The following PPHLN1 variants were observed in gnomAD, a reference collection of about 807,000 sequenced individuals.
PPHLN1 encodes periphilin 1.
In PPHLN1, 29 loss-of-function variants were observed where a neutral mutation model predicts 51.3. That is an observed-to-expected ratio of 0.57 (90% CI 0.42 to 0.77). The LOEUF is 0.77. Ranked by LOEUF, PPHLN1 falls within the 30% of genes least tolerant of loss-of-function variation. PPHLN1 has a pLI of 0.00. For synonymous variants in PPHLN1, 147 were observed against 147.8 expected (o/e 0.99, Z 0.04); for missense variants, 436 against 438.4 (o/e 0.99, Z 0.05).
chr12:42,389,242 A>G (rs1387492732), intron 7 of PPHLN1, among the ~76,000 whole-genome samples: 4 of 152,040 alleles, frequency 2.6e-5, no homozygotes, highest in African/African-American at 9.7e-5. Flanking sequence ...CCGTGGTGGC[A>G]GGCGCCTGTA....
At chr12:42,411,362 A>C (rs933309113) in intron 9 of PPHLN1, among the ~76,000 whole-genome samples, 2 of 76,250 alleles carry the variant, frequency 2.6e-5, no homozygotes, top group African/African-American at 6.5e-5. Flanking sequence ...GATGGTCACT[A>C]CAGCAGTTAC....
intron 9 of PPHLN1, among the ~76,000 whole-genome samples, chr12:42,429,130 A>G (rs182680104): frequency 6.3e-4 from 96 of 152,300 alleles, no homozygotes; most frequent in Non-Finnish European, 5.0e-4. Context: ...TGTGTTCATT[A>G]TGAATATTTT....
chr12:42,402,610 T>C (rs1278245383), intron 9 of PPHLN1, among the ~76,000 whole-genome samples: 2 of 152,230 alleles, frequency 1.3e-5, no homozygotes, highest in Non-Finnish European at 2.9e-5. Context: ...AAGTTAAATA[T>C]TACTTTTTCT....
chr12:42,331,485 C>T (rs1263200261), intron 1 of PPHLN1, among the ~76,000 whole-genome samples: 1 of 152,230 alleles, frequency 6.6e-6, no homozygotes, highest in Non-Finnish European at 1.5e-5. Flanking sequence ...TCCATAATCT[C>T]TCAGCCCTCA....
intron 8 of PPHLN1, among the ~76,000 whole-genome samples, chr12:42,397,335 C>T (rs1016091201): frequency 1.7e-4 from 26 of 152,204 alleles, no homozygotes; most frequent in African/African-American, 6.0e-4. Flanking sequence ...ATTTTTTTGC[C>T]TAGTGATATA....
chr12:42,423,555 T>C (rs2081181146), intron 9 of PPHLN1, among the ~76,000 whole-genome samples: 1 of 152,218 alleles, frequency 6.6e-6, no homozygotes, highest in Non-Finnish European at 1.5e-5. Flanking sequence ...TATTCTATTA[T>C]CCTACATTTC....
At chr12:42,344,925 G>C (rs1347784718) in intron 2 of PPHLN1, among the ~76,000 whole-genome samples, 1 of 151,952 alleles carries the variant, frequency 6.6e-6, no homozygotes, top group African/African-American at 2.4e-5. Context: ...AGCCAGGCTG[G>C]TCTCGAATTC....
intron 2 of PPHLN1, among the ~76,000 whole-genome samples, chr12:42,338,118 G>T (rs1159289200): frequency 6.6e-6 from 1 of 152,104 alleles, no homozygotes; most frequent in East Asian, 1.9e-4. Flanking sequence ...GTAGGGACAG[G>T]GTTTTGCCGT....
intron 9 of PPHLN1, among the ~76,000 whole-genome samples, chr12:42,418,766 T>C (rs1565991917): frequency 6.6e-6 from 1 of 152,204 alleles, no homozygotes; most frequent in East Asian, 1.9e-4. Flanking sequence ...TTATCACAAT[T>C]ATACATTTTT....
intron 1 of PPHLN1, among the ~76,000 whole-genome samples, 169 bp from the exon 2 acceptor site, chr12:42,335,710 GAAAA>G (rs1008608713): frequency 9.3e-4 from 115 of 123,694 alleles, no homozygotes; most frequent in Non-Finnish European, 1.7e-3. Flanking sequence ...TTTTTTTAAA[GAAAA>G]TCTCAAAATT....
intron 2 of PPHLN1, among the ~76,000 whole-genome samples, chr12:42,349,300 A>G (rs984705758): frequency 3.3e-5 from 5 of 152,220 alleles, no homozygotes; most frequent in African/African-American, 7.2e-5. Context: ...TAGTCCTCAC[A>G]GTGCCATGAG....
At chr12:42,349,036 C>A (rs1253454547) in intron 2 of PPHLN1, among the ~76,000 whole-genome samples, 1 of 152,134 alleles carries the variant, frequency 6.6e-6, no homozygotes, top group Non-Finnish European at 1.5e-5. Context: ...TAAATACAAA[C>A]TACTGATTTT....
At chr12:42,393,829 A>G (rs895947991) in intron 8 of PPHLN1, 140 bp downstream of exon 8, 6 of 811,338 alleles carry the variant, frequency 7.4e-6, no homozygotes, top group Non-Finnish European at 9.0e-6. Context: ...ACCACACAGA[A>G]TGATAGTCAG....
intron 3 of PPHLN1, among the ~76,000 whole-genome samples, chr12:42,353,125 C>T (rs904605070): frequency 2.0e-5 from 3 of 151,984 alleles, no homozygotes; most frequent in African/African-American, 7.3e-5. Context: ...ATTACTATTA[C>T]AACTCGCTTC....
intron 9 of PPHLN1, among the ~76,000 whole-genome samples, chr12:42,440,030 T>C (rs1017805432): frequency 6.6e-6 from 1 of 151,426 alleles, no homozygotes; most frequent in African/African-American, 2.4e-5. Flanking sequence ...TTAACAGTAT[T>C]GACTCTTCCT....
downstream of PPHLN1, chr12:42,442,683 A>T: frequency 1.9e-6 from 3 of 1,614,144 alleles, no homozygotes; most frequent in Non-Finnish European, 2.5e-6. Context: ...CCTGTGAGGA[A>T]CACTGAAATG....
intron 8 of PPHLN1, among the ~76,000 whole-genome samples, chr12:42,396,615 CAAAAAAAAA>C (rs60131845): frequency 1.1e-4 from 9 of 85,496 alleles, no homozygotes; most frequent in Middle Eastern, 5.7e-3. Context: ...CTTGTCACTA[CAAAAAAAAA>C]AAAAAAAAAA....
chr12:42,398,352 ATTTC>A (rs1185910708), intron 8 of PPHLN1, among the ~76,000 whole-genome samples: 6 of 152,184 alleles, frequency 3.9e-5, no homozygotes. Flanking sequence ...CTTTAAATAT[ATTTC>A]TTTATTTGTG....
chr12:42,437,075 G>A (rs978304717), intron 9 of PPHLN1, among the ~76,000 whole-genome samples: 3 of 152,128 alleles, frequency 2.0e-5, no homozygotes, highest in African/African-American at 7.2e-5. Flanking sequence ...ACATCCAAAG[G>A]TTCCAATTTC....
Sources: allele counts gnomAD v4.1 joint callset (sites outside exome capture counted in the v4.1 genomes callset), GRCh38; gene constraint gnomAD v4.1.1; transcripts MANE v1.5; gene names NCBI Gene and HGNC (gene_info 2026-07-23, HGNC 2026-07-21).